SNX3: variants seen among roughly 807,000 people sequenced by gnomAD.
The protein encoded by SNX3 is sorting nexin-3.
Under a neutral mutation model 17.7 loss-of-function variants are expected in SNX3, and 5 were observed. The observed-to-expected ratio is 0.28, with a 90% CI of 0.15 to 0.59. SNX3 has a LOEUF of 0.59. SNX3 is among the 20% of genes least tolerant of loss of function. The pLI is 0.88. For missense variants in SNX3, 132 were observed against 206.8 expected (o/e 0.64, Z 2.22); for synonymous variants, 91 against 76.5 (o/e 1.19, Z -0.99).
At chr6:108,243,620 A>T (rs1775590472) in intron 1 of SNX3, among the ~76,000 whole-genome samples, 1 of 152,182 alleles carries the variant, frequency 6.6e-6, no homozygotes, top group Non-Finnish European at 1.5e-5. Context: ...AAAAAATGAT[A>T]CCAGATAGTA....
At chr6:108,254,174 G>A (rs570891259) in intron 1 of SNX3, among the ~76,000 whole-genome samples, 122 of 150,688 alleles carry the variant, frequency 8.1e-4, no homozygotes, top group African/African-American at 2.8e-3. Flanking sequence ...CCCCACCCCA[G>A]TAAAAGAGAA....
chr6:108,242,925 G>A (rs570750874), intron 1 of SNX3, among the ~76,000 whole-genome samples: 4 of 152,062 alleles, frequency 2.6e-5, no homozygotes, highest in Non-Finnish European at 2.9e-5. Context: ...GAGAACTCCC[G>A]GGCCTCAGAT....
chr6:108,253,235 G>A (rs752133203), intron 1 of SNX3, among the ~76,000 whole-genome samples: 4 of 152,092 alleles, frequency 2.6e-5, no homozygotes, highest in Non-Finnish European at 4.4e-5. Context: ...TATTTATAAA[G>A]ATTCCTTTTT....
At chr6:108,229,439 C>T (rs1775072533) in intron 1 of SNX3, among the ~76,000 whole-genome samples, 1 of 151,326 alleles carries the variant, frequency 6.6e-6, no homozygotes, top group Admixed American at 6.6e-5. Flanking sequence ...CCCTCCCTCC[C>T]TCCCCTTCCT....
At chr6:108,247,412 G>A (rs1275957491) in intron 1 of SNX3, among the ~76,000 whole-genome samples, 2 of 151,944 alleles carry the variant, frequency 1.3e-5, no homozygotes, top group East Asian at 3.9e-4. Flanking sequence ...CTGTTACCTA[G>A]GCTGGAGTGC....
In SNX3 at chr6:108,211,969, T is replaced by C. The variant is rs1774419549; in HGVS notation, c.*180A>G. On this transcript the variant is annotated 3_prime_UTR_variant, in exon 4 of 4. Coordinates refer to ENST00000230085, the MANE Select transcript of SNX3 (RefSeq NM_003795.6). ...ATATAGAAAGGCTGGAATGAGGGAT[T>C]TTTACTAAAGCAAATTAACTTCTTG... is the stretch of plus-strand genomic sequence containing the variant. 3.9e-6 allele frequency: 2 copies of C among 514,296 alleles called. No individual in the cohort carries two copies. Among genetic ancestry groups the C allele is most frequent in the Admixed American group, 7.7e-5 (2 of 25,938 alleles). 31.9% of individuals were successfully genotyped at this position (514,296 alleles called of 1,614,324 possible).
intron 2 of SNX3, among the ~76,000 whole-genome samples, chr6:108,218,470 A>G (rs1487668177): frequency 6.6e-6 from 1 of 152,210 alleles, no homozygotes; most frequent in Non-Finnish European, 1.5e-5. Context: ...CGGTCTGCCA[A>G]TTCCTCAAAA....
At chr6:108,246,165 C>G (rs1463802671) in intron 1 of SNX3, among the ~76,000 whole-genome samples, 1 of 151,980 alleles carries the variant, frequency 6.6e-6, no homozygotes, top group East Asian at 1.9e-4. Flanking sequence ...TATGGCTAGC[C>G]AGTTTTCCCA....
At chr6:108,238,101 CA>C (rs11287104) in intron 1 of SNX3, among the ~76,000 whole-genome samples, 35,070 of 85,338 alleles carry the variant, frequency 0.41, 4,254 homozygotes, top group East Asian at 0.57. Flanking sequence ...GATCCTGTCT[CA>C]AAAAAAAAAA....
chr6:108,259,308 A>G (rs1437122056), intron 1 of SNX3, among the ~76,000 whole-genome samples: 1 of 152,170 alleles, frequency 6.6e-6, no homozygotes, highest in Non-Finnish European at 1.5e-5. Context: ...ATCTAGGCTC[A>G]CGGCAACCTC....
At chr6:108,234,581 T>A (rs1172444913) in intron 1 of SNX3, among the ~76,000 whole-genome samples, 1 of 152,110 alleles carries the variant, frequency 6.6e-6, no homozygotes, top group Non-Finnish European at 1.5e-5. Context: ...AACATATACA[T>A]GTGAATATAT....
intron 2 of SNX3, among the ~76,000 whole-genome samples, chr6:108,216,855 C>T (rs548489020): frequency 1.3e-5 from 2 of 152,280 alleles, no homozygotes; most frequent in East Asian, 3.9e-4. Flanking sequence ...CCTAGATTTA[C>T]TCTCCTCAGA....
chr6:108,221,532 C>CGTTTT (rs1554261012), intron 2 of SNX3, among the ~76,000 whole-genome samples: 1 of 57,744 alleles, frequency 1.7e-5, no homozygotes. Flanking sequence ...CAGTATTACA[C>CGTTTT]TTTTTTTTTT....
intron 1 of SNX3, among the ~76,000 whole-genome samples, chr6:108,227,555 G>A (rs1012396763): frequency 2.0e-5 from 3 of 152,106 alleles, no homozygotes; most frequent in Non-Finnish European, 4.4e-5. Context: ...TCTATGATTA[G>A]CTAATAGTTT....
intron 1 of SNX3, among the ~76,000 whole-genome samples, chr6:108,250,579 A>C (rs554920634): frequency 6.6e-6 from 1 of 152,300 alleles, no homozygotes; most frequent in Admixed American, 6.5e-5. Context: ...CTAGCTGACA[A>C]GATTTTTCTC....
At chr6:108,254,561 A>G (rs1177826566) in intron 1 of SNX3, among the ~76,000 whole-genome samples, 2 of 152,146 alleles carry the variant, frequency 1.3e-5, no homozygotes, top group African/African-American at 4.8e-5. Context: ...TAACTTTCTT[A>G]AACTTCATTT....
chr6:108,239,432 G>A (rs1242648265), intron 1 of SNX3, among the ~76,000 whole-genome samples: 2 of 152,038 alleles, frequency 1.3e-5, no homozygotes, highest in Non-Finnish European at 2.9e-5. Flanking sequence ...AGACAAGCCT[G>A]GGCAATATAG....
chr6:108,217,993 C>T (rs1306273657), intron 2 of SNX3, among the ~76,000 whole-genome samples: 2 of 152,122 alleles, frequency 1.3e-5, no homozygotes, highest in African/African-American at 2.4e-5. Flanking sequence ...TTGTTCTTTG[C>T]AATACTGTAA....
rs553139904 is a variant in SNX3, at chr6:108,258,453, G to A, written c.162+2307C>T. Among the ~76,000 whole-genome samples the A allele has an allele frequency of 9.4e-5, 13 of 137,996 alleles. No homozygotes were observed. In the South Asian group the frequency reaches 2.5e-3, roughly 26 times the overall value. The allele number at this position is 137,996 out of a possible 152,430, so 90.5% of individuals were successfully genotyped here. A position where few individuals can be genotyped will look rare whatever the true frequency, so the allele number is the denominator to read the frequency against. ...AGCCTGGGCAACAGAGCGAGACTCCGTCTCAAAAAAAAAAAAAAAAAATTT... is the reference window on the plus strand; with the variant it reads ...AGCCTGGGCAACAGAGCGAGACTCCATCTCAAAAAAAAAAAAAAAAAATTT... On this transcript the variant is annotated intron_variant, in intron 1 of 3. Transcript: ENST00000230085.
Sources: gnomAD v4.1 joint callset for allele counts (sites outside exome capture counted in the v4.1 genomes callset) on GRCh38, gnomAD v4.1.1 for gene constraint, MANE v1.5 for transcripts, NCBI Gene and HGNC (gene_info 2026-07-23, HGNC 2026-07-21) for gene names.